Variants in ZNF787 observed in about 807,000 individuals in gnomAD.
ZNF787 encodes zinc finger protein 787, also known as TTF-I-interacting peptide 20.
A neutral mutation model predicts 16.9 loss-of-function variants in ZNF787; 7 were observed. The ratio of observed to expected loss-of-function variants is 0.42; its 90% CI spans 0.24 to 0.78. The LOEUF (loss-of-function observed/expected upper bound fraction) is 0.78. ZNF787 is among the 30% of genes least tolerant of loss of function. ZNF787 has a pLI of 0.30. For missense variants in ZNF787, 551 were observed against 589.3 expected, an observed-to-expected ratio of 0.94 and a Z score of 0.67; for synonymous variants, 345 against 270.9, an observed-to-expected ratio of 1.27 and a Z score of -2.69.
At chr19:56,091,930 GAAGCCGAAGCCA>G (rs1456747994) in intron 2 of ZNF787, among the ~76,000 whole-genome samples, 2,096 of 85,256 alleles carry the variant, frequency 0.025, 52 homozygotes, top group African/African-American at 0.063. Context: ...AGCCGAAGCC[GAAGCCGAAGCCA>G]AAGCCAAAGC....
In ZNF787 at chr19:56,088,131, G is replaced by A. The variant is rs1340451261; in HGVS notation, c.1041C>T (p.Cys347=). ...KIHAVGAPSV[C]SSCGQSYYRA... is the part of the protein sequence containing the mutation. ...GGTAGTAGCTCTGTCCGCAGCTGCTGCAGACCGAGGGCGCGCCCACCGCGT... is the reference window on the plus strand; with the variant it reads ...GGTAGTAGCTCTGTCCGCAGCTGCTACAGACCGAGGGCGCGCCCACCGCGT... Residue 347 remains cysteine (C), a synonymous_variant, in exon 3 of 3, where the codon TGC becomes TGT. Transcript: ENST00000610935. This position sits in a 1 kb window ranked among gnomAD's most constrained non-coding sequence, Gnocchi z 8.6. 6 of 1,551,590 alleles carry A rather than the reference G, an allele frequency of 3.9e-6. No individual in the cohort carries two copies. The highest frequency in any genetic ancestry group is 2.1e-4 in the Middle Eastern group (1 of 4,670).
intron 1 of ZNF787, among the ~76,000 whole-genome samples, chr19:56,113,147 T>C (rs1413365228): frequency 6.6e-6 from 1 of 152,052 alleles, no homozygotes; most frequent in Non-Finnish European, 1.5e-5. Context: ...GATAGGCACA[T>C]GCAAGGATGT....
intron 1 of ZNF787, among the ~76,000 whole-genome samples, chr19:56,114,121 T>G (rs2030061034): frequency 6.6e-6 from 1 of 152,140 alleles, no homozygotes; most frequent in Non-Finnish European, 1.5e-5. Flanking sequence ...CAATCCAAAA[T>G]CCAAGTTCCT....
chr19:56,103,338 G>A (rs1019593083), intron 1 of ZNF787, 111 bp from the exon 2 acceptor site: 4 of 902,224 alleles, frequency 4.4e-6, no homozygotes, highest in Non-Finnish European at 6.6e-6. Flanking sequence ...ACAGCGCCCG[G>A]CAGACAAGGC....
Position 56,096,135 on chromosome 19 carries a change from C to G in ZNF787, c.79+7004G>C, listed in dbSNP as rs1259204088. On this transcript the variant is annotated intron_variant, in intron 2 of 2. Coordinates refer to ENST00000610935, the MANE Select transcript of ZNF787 (RefSeq NM_001002836.4). ...CTGGCCGGGCACGGTGGCTCACACT[C>G]GTAGTCCCAACTACTTAGGAGGCCA... Among the ~76,000 whole-genome samples, 4 of 151,870 alleles carry G rather than the reference C, an allele frequency of 2.6e-5. No homozygotes were observed. In the East Asian group the frequency reaches 7.7e-4, roughly 29 times the overall value.
chr19:56,096,232 A>G (rs1474423488), intron 2 of ZNF787, among the ~76,000 whole-genome samples: 2 of 14,730 alleles, frequency 1.4e-4, no homozygotes, highest in African/African-American at 4.2e-4. Context: ...CGTCTCTAAA[A>G]AAATAAAAAA....
chr19:56,096,809 G>C (rs1470303977), intron 2 of ZNF787, among the ~76,000 whole-genome samples: 2 of 152,234 alleles, frequency 1.3e-5, no homozygotes, highest in African/African-American at 4.8e-5. Context: ...AGGGCAGCCA[G>C]AACTCCAGCT....
intron 2 of ZNF787, among the ~76,000 whole-genome samples, chr19:56,096,558 C>G (rs1985881968): frequency 6.7e-6 from 1 of 148,336 alleles, no homozygotes; most frequent in Non-Finnish European, 1.5e-5. Flanking sequence ...ACTAAAACTA[C>G]AAAAATTAGC....
At chr19:56,093,231 T>C (rs1006934813) in intron 2 of ZNF787, among the ~76,000 whole-genome samples, 5 of 143,336 alleles carry the variant, frequency 3.5e-5, no homozygotes, top group African/African-American at 1.3e-4. Flanking sequence ...GGATATTCCA[T>C]AGACACAGGG....
chr19:56,106,264 G>GT (rs1986308231), intron 1 of ZNF787, among the ~76,000 whole-genome samples: 1 of 152,216 alleles, frequency 6.6e-6, no homozygotes, highest in African/African-American at 2.4e-5. Context: ...GCGTGCCAGC[G>GT]TGTCGCTCCT....
At position 56,103,173 on chromosome 19, in the gene ZNF787, A is replaced by C; in HGVS notation, c.45T>G (p.Ser15=). 6.3e-7 allele frequency: 1 copy of C among 1,591,068 alleles called. No homozygotes were observed. The highest frequency in any genetic ancestry group is 2.2e-5 in the East Asian group (1 of 44,602). ...CGTGACTGGCCATCTGCTGGTCCTC[A>C]GAATCCAGCGGCCCCGGAGACCAGG... ...EEAWSPGPLD[S]EDQQMASHEN... is the part of the protein sequence containing the mutation. The change falls in exon 2 of 3, where the codon TCT becomes TCG. Residue 15 remains serine, a synonymous_variant. Coordinates refer to ENST00000610935, the MANE Select transcript of ZNF787 (RefSeq NM_001002836.4).
intron 1 of ZNF787, among the ~76,000 whole-genome samples, chr19:56,106,545 A>C (rs1986321343): frequency 6.6e-6 from 1 of 152,080 alleles, no homozygotes; most frequent in South Asian, 2.1e-4. Flanking sequence ...CCCTCGACCA[A>C]CCATTAGCAA....
At chr19:56,109,226 TC>T (rs2029909654) in intron 1 of ZNF787, among the ~76,000 whole-genome samples, 1 of 152,126 alleles carries the variant, frequency 6.6e-6, no homozygotes. Context: ...GGGCTACGTA[TC>T]GGAACTGGTA....
intron 1 of ZNF787, among the ~76,000 whole-genome samples, chr19:56,120,612 G>C (rs1209068123): frequency 6.6e-6 from 1 of 151,356 alleles, no homozygotes; most frequent in African/African-American, 2.4e-5. Flanking sequence ...ACGGGACCCG[G>C]GCTGACTCGA....
intron 1 of ZNF787, among the ~76,000 whole-genome samples, chr19:56,110,853 C>CA (rs541648364): frequency 6.6e-5 from 10 of 152,344 alleles, no homozygotes; most frequent in African/African-American, 2.4e-4. Flanking sequence ...GATCACCTCT[C>CA]ACTCAGCAGG....
At chr19:56,103,573 G>A (rs1010192051) in intron 1 of ZNF787, 24 of 307,592 alleles carry the variant, frequency 7.8e-5, no homozygotes, top group Non-Finnish European at 1.3e-4. Context: ...TCACTGGCAA[G>A]ATGGAGAACA....
At chr19:56,114,798 C>T (rs1399848652) in intron 1 of ZNF787, among the ~76,000 whole-genome samples, 1 of 151,968 alleles carries the variant, frequency 6.6e-6, no homozygotes, top group Non-Finnish European at 1.5e-5. Context: ...GCACCTGCTG[C>T]CCTGGTACCC....
At chr19:56,111,377 A>G (rs1181812522) in intron 1 of ZNF787, among the ~76,000 whole-genome samples, 1 of 152,074 alleles carries the variant, frequency 6.6e-6, no homozygotes, top group Admixed American at 6.5e-5. Flanking sequence ...CCTTTGACCC[A>G]TATTTTGTAA....
intron 1 of ZNF787, among the ~76,000 whole-genome samples, chr19:56,110,778 C>T (rs924532618): frequency 6.6e-6 from 1 of 152,192 alleles, no homozygotes; most frequent in Non-Finnish European, 1.5e-5. Context: ...ATGGGGGAGG[C>T]GGGAGAGTCC....
Sources: allele counts gnomAD v4.1 joint callset (sites outside exome capture counted in the v4.1 genomes callset), GRCh38; gene constraint gnomAD v4.1.1; non-coding constraint Gnocchi (gnomAD v3.1); transcripts MANE v1.5; gene names NCBI Gene and HGNC (gene_info 2026-07-23, HGNC 2026-07-21).